The following HIP1 variants were observed in gnomAD, a reference collection of about 807,000 sequenced individuals.
HIP1 encodes huntingtin interacting protein 1, also known as huntingtin-interacting protein 1.
Under a neutral mutation model 147.6 loss-of-function variants are expected in HIP1, and 65 were observed. The observed-to-expected ratio is 0.44, with a 90% CI of 0.36 to 0.54. HIP1 has a LOEUF of 0.54. HIP1 is among the 20% of genes least tolerant of loss of function. HIP1 has a pLI of 0.00. For missense variants in HIP1, 1,061 were observed against 1,299.6 expected, an observed-to-expected ratio of 0.82 and a Z score of 2.82; for synonymous variants, 479 against 504.0, an observed-to-expected ratio of 0.95 and a Z score of 0.67.
At chr7:75,731,826 C>G (rs1453870480) in intron 1 of HIP1, among the ~76,000 whole-genome samples, 16 of 152,108 alleles carry the variant, frequency 1.1e-4, no homozygotes, top group Admixed American at 9.8e-4. Context: ...CCATCAGGAC[C>G]CACGGTCACC....
intron 1 of HIP1, among the ~76,000 whole-genome samples, chr7:75,716,594 A>G (rs1801327805): frequency 6.7e-6 from 1 of 148,280 alleles, no homozygotes; most frequent in South Asian, 2.1e-4. Flanking sequence ...ATCTCGGCTC[A>G]CTGCAAGCTC....
intron 1 of HIP1, among the ~76,000 whole-genome samples, chr7:75,727,865 C>T (rs1238461004): frequency 2.0e-5 from 3 of 146,946 alleles, no homozygotes; most frequent in South Asian, 2.2e-4. Flanking sequence ...AAAAAAAAAA[C>T]TTAGCAAAAT....
At position 75,555,929 on chromosome 7, in the gene HIP1, T is replaced by C. The variant is rs782231361; in HGVS notation, c.1827+97A>G. ...AATCAGGCCAAGGCCCCAAACCCCTTCTCAGCAGCCCCGGGGTCCTCCCAG... is the reference window on the plus strand; with the variant it reads ...AATCAGGCCAAGGCCCCAAACCCCTCCTCAGCAGCCCCGGGGTCCTCCCAG... On this transcript the variant is annotated intron_variant, in intron 18 of 30. Transcript: ENST00000336926. 4.9e-5 allele frequency: 72 copies of C among 1,476,032 alleles called. 1 individual carries two copies. In the South Asian group the frequency reaches 7.7e-4, roughly 16 times the overall value. 91.4% of individuals were successfully genotyped at this position (1,476,032 alleles called of 1,614,324 possible).
At chr7:75,610,776 G>A (rs1405860976) in intron 1 of HIP1, among the ~76,000 whole-genome samples, 4 of 151,110 alleles carry the variant, frequency 2.6e-5, no homozygotes, top group Non-Finnish European at 4.4e-5. Context: ...GCCGAGGCAG[G>A]AGGATCTCTT....
chr7:75,553,653 T>C (rs1041444314), intron 21 of HIP1, 64 bp from the exon 22 acceptor site: 24 of 1,482,126 alleles, frequency 1.6e-5, no homozygotes, highest in Non-Finnish European at 2.2e-5. Context: ...TTGCCCAGGC[T>C]GGAGTGCAGT....
At chr7:75,652,477 C>T (rs1165312925) in intron 1 of HIP1, among the ~76,000 whole-genome samples, 1 of 152,086 alleles carries the variant, frequency 6.6e-6, no homozygotes, top group Non-Finnish European at 1.5e-5. Flanking sequence ...AATCCTCTCA[C>T]CTCAGCCTCC....
chr7:75,622,241 C>A (rs1394701560), intron 1 of HIP1, among the ~76,000 whole-genome samples: 1 of 151,778 alleles, frequency 6.6e-6, no homozygotes, highest in East Asian at 1.9e-4. Flanking sequence ...CATGCCACTG[C>A]ACTCTAGCCT....
At chr7:75,595,243 T>TTC (rs1796670489) in intron 2 of HIP1, among the ~76,000 whole-genome samples, 5 of 104,868 alleles carry the variant, frequency 4.8e-5, no homozygotes, top group South Asian at 3.3e-4. Context: ...TTTCTTTCTT[T>TTC]CTTTCTTTCT....
intron 1 of HIP1, among the ~76,000 whole-genome samples, chr7:75,659,668 GA>G (rs1296232007): frequency 6.6e-6 from 1 of 151,900 alleles, no homozygotes; most frequent in African/African-American, 2.4e-5. Flanking sequence ...AAAAAAGACA[GA>G]AAAAAAGAAA....
chr7:75,586,709 C>A (rs782201813), intron 5 of HIP1, 44 bp downstream of exon 5: 1 of 1,221,864 alleles, frequency 8.2e-7, no homozygotes, highest in Admixed American at 1.7e-5. Flanking sequence ...AGGGATGGAG[C>A]AGGGGAGGCG....
chr7:75,660,124 C>CA (rs748532203), intron 1 of HIP1, among the ~76,000 whole-genome samples: 74 of 149,270 alleles, frequency 5.0e-4, no homozygotes, highest in Non-Finnish European at 7.7e-4. Context: ...GACTCCGTCT[C>CA]AAAAAACAAA....
At chr7:75,599,385 G>A in intron 1 of HIP1, 138 bp from the exon 2 acceptor site, 1 of 673,016 alleles carries the variant, frequency 1.5e-6, no homozygotes, top group Non-Finnish European at 2.6e-6. Flanking sequence ...CGGTTCCTCT[G>A]CAGGCGCCCA....
intron 24 of HIP1, among the ~76,000 whole-genome samples, 196 bp downstream of exon 24, chr7:75,547,559 C>T (rs1351033992): frequency 8.5e-5 from 13 of 152,240 alleles, no homozygotes; most frequent in African/African-American, 2.2e-4. Flanking sequence ...GGAGCTACCG[C>T]GCGGGTTTCT....
At chr7:75,668,965 C>T (rs1436188202) in intron 1 of HIP1, among the ~76,000 whole-genome samples, 1 of 152,142 alleles carries the variant, frequency 6.6e-6, no homozygotes, top group Non-Finnish European at 1.5e-5. Flanking sequence ...CGCCTGTAAT[C>T]CCAGCACTTT....
At chr7:75,578,250 G>A (rs991495436) in intron 7 of HIP1, among the ~76,000 whole-genome samples, 1 of 152,192 alleles carries the variant, frequency 6.6e-6, no homozygotes, top group Non-Finnish European at 1.5e-5. Context: ...CAGGCAGCCG[G>A]CTCCAAGAAG....
chr7:75,697,223 G>A (rs781918941), intron 1 of HIP1, among the ~76,000 whole-genome samples: 1 of 151,916 alleles, frequency 6.6e-6, no homozygotes, highest in Non-Finnish European at 1.5e-5. Flanking sequence ...TAAGTTTCTG[G>A]GCTATGTATT....
chr7:75,589,547 G>GGT (rs782144065), intron 4 of HIP1, among the ~76,000 whole-genome samples: 14 of 151,882 alleles, frequency 9.2e-5, no homozygotes, highest in Middle Eastern at 3.4e-3. Context: ...AGCTGGGTGT[G>GGT]GTGGTAGGCA....
chr7:75,561,015 C>T (rs782056807), intron 13 of HIP1, among the ~76,000 whole-genome samples: 5 of 150,112 alleles, frequency 3.3e-5, no homozygotes, highest in East Asian at 2.0e-4. Context: ...TGCAGTGACA[C>T]GATCTCAGTT....
At chr7:75,633,261 A>C (rs1798302312) in intron 1 of HIP1, among the ~76,000 whole-genome samples, 1 of 152,104 alleles carries the variant, frequency 6.6e-6, no homozygotes, top group African/African-American at 2.4e-5. Context: ...TCTCACATGG[A>C]ATATACCTGG....
Sources: allele counts gnomAD v4.1 joint callset (sites outside exome capture counted in the v4.1 genomes callset), GRCh38; gene constraint gnomAD v4.1.1; transcripts MANE v1.5; gene names NCBI Gene and HGNC (gene_info 2026-07-23, HGNC 2026-07-21).